KIF3B: variants seen among roughly 807,000 people sequenced by gnomAD.
KIF3B encodes kinesin-like protein KIF3B.
KIF3B carries 38 observed loss-of-function variants against 74.3 expected under a neutral mutation model. The ratio of observed to expected loss-of-function variants is 0.51; its 90% CI spans 0.39 to 0.67. KIF3B has a LOEUF of 0.67. Among genes scored for constraint, KIF3B ranks in the 30% least tolerant of loss-of-function variants. The probability of loss-of-function intolerance (pLI) is 0.00; values close to 1 mark genes in which losing one functional copy is unlikely to be tolerated. For synonymous variants in KIF3B, 326 were observed against 342.5 expected (o/e 0.95, Z 0.53); for missense variants, 649 against 932.0 (o/e 0.70, Z 3.95).
At chr20:32,288,348 G>A (rs2047676621) in intron 1 of KIF3B, among the ~76,000 whole-genome samples, 1 of 151,932 alleles carries the variant, frequency 6.6e-6, no homozygotes, top group Non-Finnish European at 1.5e-5. Context: ...AATTTACCCG[G>A]GTGCAGTGGC....
chr20:32,324,859 T>A (rs1208205628), intron 5 of KIF3B, among the ~76,000 whole-genome samples: 2 of 152,052 alleles, frequency 1.3e-5, no homozygotes, highest in African/African-American at 2.4e-5. Context: ...TGAAACCCTG[T>A]CTCTACTAAA....
chr20:32,281,014 G>C (rs1600413287), intron 1 of KIF3B, among the ~76,000 whole-genome samples: 1 of 152,120 alleles, frequency 6.6e-6, no homozygotes, highest in South Asian at 2.1e-4. Flanking sequence ...TAGGTGCCTG[G>C]ATTAGAAACC....
chr20:32,317,514 C>T (rs760737912), intron 5 of KIF3B, among the ~76,000 whole-genome samples: 5 of 152,114 alleles, frequency 3.3e-5, no homozygotes, highest in Non-Finnish European at 7.4e-5. Context: ...CCCAAGTACC[C>T]ATCACCCAGA....
chr20:32,331,516 A>G lies in KIF3B; in HGVS notation c.*197A>G, dbSNP rs1212779199. The G allele has an allele frequency of 7.2e-6, 4 of 556,044 alleles. No homozygotes were observed. In the East Asian group the frequency reaches 9.5e-5, roughly 13 times the overall value. 34.4% of individuals were successfully genotyped at this position (556,044 alleles called of 1,614,324 possible). On this transcript the variant is annotated 3_prime_UTR_variant, in exon 9 of 9. Coordinates refer to ENST00000375712, the MANE Select transcript of KIF3B (RefSeq NM_004798.4). Reference sequence around the variant, plus strand: ...CTGGCACTCAGCCCCTCTGGGAAACATCTTTTAATTAGCATCTCAGAAATG... The same window carrying G: ...CTGGCACTCAGCCCCTCTGGGAAACGTCTTTTAATTAGCATCTCAGAAATG...
intron 1 of KIF3B, among the ~76,000 whole-genome samples, chr20:32,283,305 A>C (rs1299630675): frequency 6.6e-6 from 1 of 152,020 alleles, no homozygotes; most frequent in Non-Finnish European, 1.5e-5. Context: ...GGAGTTTGAG[A>C]CCAGCCTGAC....
chr20:32,295,861 T>C (rs1427178393), intron 1 of KIF3B, among the ~76,000 whole-genome samples: 1 of 148,122 alleles, frequency 6.8e-6, no homozygotes, highest in Non-Finnish European at 1.5e-5. Context: ...TATCTTTTTT[T>C]TTTTTTTTTT....
chr20:32,324,175 C>T (rs1341358106), intron 5 of KIF3B, among the ~76,000 whole-genome samples: 2 of 151,954 alleles, frequency 1.3e-5, no homozygotes, highest in Non-Finnish European at 2.9e-5. Flanking sequence ...TTCATGGTGT[C>T]AATTAACTTG....
Position 32,330,178 on chromosome 20 carries a change from G to A in KIF3B, c.2006G>A (p.Ser669Asn). The change falls in exon 8 of 9, where the codon AGC becomes AAC. Residue 669 changes from serine (S) to asparagine (N), a missense_variant. Physicochemically the swap from Ser to Asn is conservative, Grantham distance 46. Coordinates refer to ENST00000375712, the MANE Select transcript of KIF3B (RefSeq NM_004798.4). ...GTGCTGTTAGAGCTGGACATGCCCAGCCGGACCACCAGAGACTATGAGGGT... is the reference window on the plus strand; with the variant it reads ...GTGCTGTTAGAGCTGGACATGCCCAACCGGACCACCAGAGACTATGAGGGT... ...NIVLLELDMPSRTTRDYEGPA... is the reference protein window; with the variant it reads ...NIVLLELDMPNRTTRDYEGPA... The A allele has an allele frequency of 6.2e-7, 1 of 1,614,056 alleles. No homozygotes were observed.
chr20:32,308,167 C>T lies in KIF3B; in HGVS notation c.-65-1546C>T, dbSNP rs977998935. Among the ~76,000 whole-genome samples, 7 of 152,166 alleles carry T rather than the reference C, an allele frequency of 4.6e-5. No individual in the cohort carries two copies. The South Asian group carries it at 1.4e-3, about 32-fold the overall frequency. ...AGGAGAATGGCATGAATTCGGGAGG[C>T]AGAGCTTGCAGTGAGCCAAGCTCAC... is the stretch of plus-strand genomic sequence containing the variant. On this transcript the variant is annotated intron_variant, in intron 1 of 8. Coordinates refer to ENST00000375712, the MANE Select transcript of KIF3B (RefSeq NM_004798.4).
chr20:32,320,549 T>C (rs982092566), intron 5 of KIF3B, among the ~76,000 whole-genome samples: 3 of 151,232 alleles, frequency 2.0e-5, no homozygotes, highest in African/African-American at 4.9e-5. Context: ...GATAAGGCCT[T>C]CTTCTGTCAA....
Position 32,331,587 on chromosome 20 carries a change from T to A in KIF3B, c.*268T>A. The A allele has an allele frequency of 2.2e-6, 1 of 452,038 alleles. No homozygotes were observed. The highest frequency in any genetic ancestry group is 3.9e-6 in the Non-Finnish European group (1 of 257,578). The allele number at this position is 452,038 out of a possible 1,614,324, so 28.0% of individuals were successfully genotyped here. ...ATAGTTCAAGTGGAAAGCAAGAGAA[T>A]GACCAGTGACCTTGCTTCCTTCCCC... On this transcript the variant is annotated 3_prime_UTR_variant, in exon 9 of 9. Transcript: ENST00000375712.
At chr20:32,319,711 G>A (rs771204734) in intron 5 of KIF3B, among the ~76,000 whole-genome samples, 2 of 146,294 alleles carry the variant, frequency 1.4e-5, no homozygotes, top group Non-Finnish European at 3.0e-5. Flanking sequence ...TCAGCCTCCC[G>A]AATAGCTGGG....
chr20:32,284,784 C>T (rs562352452), intron 1 of KIF3B, among the ~76,000 whole-genome samples: 1 of 152,290 alleles, frequency 6.6e-6, no homozygotes, highest in African/African-American at 2.4e-5. Flanking sequence ...CTAAGACTTA[C>T]CAATGATAAT....
intron 1 of KIF3B, among the ~76,000 whole-genome samples, chr20:32,284,509 C>T (rs1397457160): frequency 6.6e-6 from 1 of 152,052 alleles, no homozygotes; most frequent in Non-Finnish European, 1.5e-5. Context: ...AGAATCTAGG[C>T]TGGGTGTAGT....
At chr20:32,315,500 T>G (rs1482674558) in intron 2 of KIF3B, among the ~76,000 whole-genome samples, 1 of 152,126 alleles carries the variant, frequency 6.6e-6, no homozygotes, top group East Asian at 1.9e-4. Flanking sequence ...AGGCCAGGAA[T>G]TCAAGACCAG....
intron 5 of KIF3B, among the ~76,000 whole-genome samples, chr20:32,322,788 A>T (rs1404615942): frequency 1.5e-5 from 1 of 66,802 alleles, no homozygotes; most frequent in African/African-American, 6.5e-5. Context: ...ATTTATATAT[A>T]TTTATATATA....
intron 5 of KIF3B, among the ~76,000 whole-genome samples, chr20:32,325,606 AT>A (rs1331042680): frequency 2.4e-4 from 27 of 114,538 alleles, no homozygotes; most frequent in African/African-American, 7.8e-4. Flanking sequence ...TCCCCAAAAT[AT>A]TTTTTTTTCT....
At chr20:32,327,736 C>T in intron 7 of KIF3B, 75 bp downstream of exon 7, 1 of 1,036,814 alleles carries the variant, frequency 9.6e-7, no homozygotes, top group Non-Finnish European at 1.5e-6. Context: ...AGATACTATT[C>T]CACTCAGAGT....
At chr20:32,315,846 C>T (rs2047824499) in intron 2 of KIF3B, among the ~76,000 whole-genome samples, 1 of 152,150 alleles carries the variant, frequency 6.6e-6, no homozygotes, top group South Asian at 2.1e-4. Flanking sequence ...TGTCTGTTTT[C>T]CTCAGTGGAC....
Sources: gnomAD v4.1 joint callset for allele counts (sites outside exome capture counted in the v4.1 genomes callset) on GRCh38, gnomAD v4.1.1 for gene constraint, MANE v1.5 for transcripts, NCBI Gene and HGNC (gene_info 2026-07-23, HGNC 2026-07-21) for gene names.